WDR59: variants seen among roughly 807,000 people sequenced by gnomAD.
WDR59 encodes WD repeat domain 59, also known as GATOR2 complex protein WDR59.
A neutral mutation model predicts 131.2 loss-of-function variants in WDR59; 100 were observed. That is an observed-to-expected ratio of 0.76 (90% CI 0.65 to 0.90). WDR59 has a LOEUF of 0.90. WDR59 is among the 40% of genes least tolerant of loss of function. WDR59 has a pLI of 0.00. For missense variants in WDR59, 1,203 were observed against 1,262.2 expected (o/e 0.95, Z 0.71); for synonymous variants, 601 against 466.2 (o/e 1.29, Z -3.72).
intron 7 of WDR59, 30 bp from the exon 8 acceptor site, chr16:74,938,296 ATT>A: frequency 1.4e-6 from 2 of 1,408,052 alleles, no homozygotes; most frequent in Non-Finnish European, 1.9e-6. Context: ...AATATTATCG[ATT>A]TAGAAAGAAC....
At chr16:74,966,372 C>T (rs551173533) in intron 1 of WDR59, among the ~76,000 whole-genome samples, 123 of 152,054 alleles carry the variant, frequency 8.1e-4, no homozygotes, top group Non-Finnish European at 9.7e-4. Flanking sequence ...CCCAGCTATT[C>T]GGGAGGATGA....
At chr16:74,976,950 T>C (rs2145240741) in intron 1 of WDR59, among the ~76,000 whole-genome samples, 1 of 152,266 alleles carries the variant, frequency 6.6e-6, no homozygotes, top group South Asian at 2.1e-4. Flanking sequence ...GAGGTTGCAC[T>C]GATTCAAAAT....
At chr16:74,981,645 T>TATAC (rs2034423419) in intron 1 of WDR59, among the ~76,000 whole-genome samples, 2 of 13,222 alleles carry the variant, frequency 1.5e-4, no homozygotes, top group African/African-American at 5.7e-4. Context: ...TATATATATA[T>TATAC]ATATATATAT....
chr16:74,889,558 A>T, intron 21 of WDR59, 145 bp downstream of exon 21: 1 of 629,300 alleles, frequency 1.6e-6, no homozygotes, highest in East Asian at 2.8e-5. Context: ...CACAGAAATT[A>T]TTTCAGCACT....
Position 74,935,044 on chromosome 16 carries a change from C to T in WDR59, c.651+3106G>A, listed in dbSNP as rs368591331. On this transcript the variant is annotated intron_variant, in intron 8 of 25. Transcript: ENST00000262144. Reference sequence around the variant, plus strand: ...AGGAGTTTGAAACCAGCCTGGCAAACATGGTGAAATTCCATCTCTACTAAA... The same window carrying T: ...AGGAGTTTGAAACCAGCCTGGCAAATATGGTGAAATTCCATCTCTACTAAA... Among the ~76,000 whole-genome samples the T allele has an allele frequency of 6.6e-5, 10 of 152,158 alleles. No homozygotes were observed. The South Asian group carries it at 1.7e-3, about 25-fold the overall frequency.
intron 18 of WDR59, among the ~76,000 whole-genome samples, chr16:74,896,634 A>T (rs1243832233): frequency 1.5e-5 from 1 of 68,108 alleles, no homozygotes; most frequent in East Asian, 2.3e-4. Context: ...GACCCTGCCT[A>T]AAAAAAAAAA....
intron 7 of WDR59, among the ~76,000 whole-genome samples, chr16:74,940,066 C>A (rs2032095363): frequency 6.6e-6 from 1 of 152,028 alleles, no homozygotes; most frequent in African/African-American, 2.4e-5. Flanking sequence ...GTTTACTCAT[C>A]TGTAAAAAAG....
rs1238881985 is a variant in WDR59, at chr16:74,872,801, A to C, written c.*1408T>G. 1 of 151,682 alleles carries C rather than the reference A, an allele frequency of 6.6e-6. No homozygotes were observed. Among genetic ancestry groups the C allele is most frequent in the African/African-American group, 2.4e-5 (1 of 41,236 alleles). 9.4% of individuals were successfully genotyped at this position (151,682 alleles called of 1,614,324 possible). On this transcript the variant is annotated 3_prime_UTR_variant, in exon 26 of 26. Transcript: ENST00000262144. ...CAGGCTGGAGTGCAGCGGTGCAATC[A>C]AGGCTCACTGCAGCCTCAACCTCCT...
At chr16:74,966,574 C>T (rs2033785763) in intron 1 of WDR59, among the ~76,000 whole-genome samples, 1 of 152,160 alleles carries the variant, frequency 6.6e-6, no homozygotes, top group African/African-American at 2.4e-5. Context: ...CTACTATGAA[C>T]AAAGAGCCTT....
At chr16:74,876,635 G>A (rs1964227856) in intron 25 of WDR59, among the ~76,000 whole-genome samples, 2 of 152,006 alleles carry the variant, frequency 1.3e-5, no homozygotes, top group African/African-American at 2.4e-5. Flanking sequence ...ATTTCATTTC[G>A]TTAATTAGCG....
chr16:74,936,610 G>C (rs923829634), intron 8 of WDR59, among the ~76,000 whole-genome samples: 1 of 152,066 alleles, frequency 6.6e-6, no homozygotes, highest in African/African-American at 2.4e-5. Flanking sequence ...CGGATCACTT[G>C]AGGTTAGGAG....
Position 74,985,091 on chromosome 16 carries a change from C to G in WDR59, c.-74G>C, listed in dbSNP as rs1374140531. On this transcript the variant is annotated 5_prime_UTR_variant, in exon 1 of 26. Transcript: ENST00000262144. ...CCGTCCCCAGTATCCCGGGACCGTGCGCCCCACACAGCCAGAGAATCAGCC... is the reference window on the plus strand; with the variant it reads ...CCGTCCCCAGTATCCCGGGACCGTGGGCCCCACACAGCCAGAGAATCAGCC... 1 of 1,415,076 alleles carries G rather than the reference C, an allele frequency of 7.1e-7. No homozygotes were observed. The highest frequency in any genetic ancestry group is 1.4e-5 in the African/African-American group (1 of 70,268). 87.7% of individuals were successfully genotyped at this position (1,415,076 alleles called of 1,614,324 possible).
At chr16:74,891,121 A>G (rs915012312) in intron 20 of WDR59, among the ~76,000 whole-genome samples, 2 of 151,980 alleles carry the variant, frequency 1.3e-5, no homozygotes, top group Non-Finnish European at 2.9e-5. Flanking sequence ...TCAAAAAAAA[A>G]AAAAAAAAAA....
chr16:74,977,328 T>C (rs1208072827), intron 1 of WDR59, among the ~76,000 whole-genome samples: 2 of 152,134 alleles, frequency 1.3e-5, no homozygotes, highest in Non-Finnish European at 2.9e-5. Context: ...AGAATGGATT[T>C]ACAATATATA....
At position 74,912,355 on chromosome 16, in the gene WDR59, G is replaced by A. The variant is rs200947262; in HGVS notation, c.1232C>T (p.Ala411Val). Residue 411 changes from alanine to valine, a missense_variant, in exon 14 of 26, where the codon GCG becomes GTG. Transcript: ENST00000262144. ...AGACACTGTGCAGCTCCTGTCTGCC[G>A]CATCCATCTGCAAGAGACAAATCCA... ...QIRNVNVEMD[A>V]ADRSCTVSVH... is the part of the protein sequence containing the mutation. 2.1e-4 allele frequency: 343 copies of A among 1,611,816 alleles called. No homozygotes were observed. The highest frequency in any genetic ancestry group is 1.5e-4 in the South Asian group (14 of 90,868).
chr16:74,952,337 C>A (rs2033048315), intron 3 of WDR59, among the ~76,000 whole-genome samples: 1 of 149,374 alleles, frequency 6.7e-6, no homozygotes, highest in South Asian at 2.1e-4. Context: ...AGCTACTTGA[C>A]AGGCTGAGGT....
At chr16:74,952,438 T>A (rs1390558467) in intron 3 of WDR59, among the ~76,000 whole-genome samples, 5 of 100,084 alleles carry the variant, frequency 5.0e-5, no homozygotes, top group Non-Finnish European at 9.0e-5. Context: ...CAAGACCCCA[T>A]CTCAAACAAA....
chr16:74,972,385 C>T (rs765265889), intron 1 of WDR59, among the ~76,000 whole-genome samples: 3 of 152,148 alleles, frequency 2.0e-5, no homozygotes, highest in Non-Finnish European at 4.4e-5. Context: ...CCAAAGGCAA[C>T]AGTGTTCTGA....
At chr16:74,951,825 C>T (rs1242871406) in intron 3 of WDR59, among the ~76,000 whole-genome samples, 1 of 152,154 alleles carries the variant, frequency 6.6e-6, no homozygotes, top group Non-Finnish European at 1.5e-5. Flanking sequence ...TGCAGAAGCA[C>T]TTCTGCAGAC....
Sources: gnomAD v4.1 joint callset for allele counts (sites outside exome capture counted in the v4.1 genomes callset) on GRCh38, gnomAD v4.1.1 for gene constraint, MANE v1.5 for transcripts, NCBI Gene and HGNC (gene_info 2026-07-23, HGNC 2026-07-21) for gene names.